Variants in ROBO2 observed in about 807,000 individuals in gnomAD.
ROBO2 encodes the protein roundabout homolog 2.
In ROBO2, 53 loss-of-function variants were observed where a neutral mutation model predicts 160.8. The observed-to-expected ratio is 0.33, with a 90% confidence interval of 0.26 to 0.41. ROBO2 has a LOEUF of 0.41. Ranked by LOEUF, ROBO2 falls within the 10% of genes least tolerant of loss-of-function variation. The probability of loss-of-function intolerance (pLI) is 1.00; values close to 1 mark genes in which losing one functional copy is unlikely to be tolerated. For synonymous variants in ROBO2, 664 were observed against 611.7 expected, an observed-to-expected ratio of 1.09 and a Z score of -1.26; for missense variants, 1,577 against 1,722.4, an observed-to-expected ratio of 0.92 and a Z score of 1.49.
At chr3:77,641,240 C>G (rs2095346504) in intron 24 of ROBO2, among the ~76,000 whole-genome samples, 1 of 152,128 alleles carries the variant, frequency 6.6e-6, no homozygotes, top group African/African-American at 2.4e-5. Context: ...GACCCTGTTC[C>G]CTTCAGTTAT....
intron 2 of ROBO2, among the ~76,000 whole-genome samples, chr3:76,163,691 A>G (rs2072724807): frequency 6.6e-6 from 1 of 152,058 alleles, no homozygotes; most frequent in African/African-American, 2.4e-5. Flanking sequence ...CAATGTTTAC[A>G]ATATACTACA....
chr3:77,259,068 CTTTCA>C (rs555219912), intron 2 of ROBO2, among the ~76,000 whole-genome samples: 34 of 152,248 alleles, frequency 2.2e-4, no homozygotes, highest in African/African-American at 7.9e-4. Context: ...AAGCCTTCAG[CTTTCA>C]TTTAAGATCT....
intron 1 of ROBO2, among the ~76,000 whole-genome samples, chr3:77,069,876 C>G (rs911590357): frequency 1.3e-5 from 2 of 151,838 alleles, no homozygotes; most frequent in Admixed American, 6.6e-5. Context: ...GAATTGTGTC[C>G]CTCCAAAAAT....
At chr3:76,646,946 G>T (rs770726537) in intron 2 of ROBO2, among the ~76,000 whole-genome samples, 1 of 152,170 alleles carries the variant, frequency 6.6e-6, no homozygotes, top group Non-Finnish European at 1.5e-5. Flanking sequence ...ATGGCTGGGG[G>T]AACAAAGGGA....
At chr3:76,656,774 TAGAAA>T (rs751524273) in intron 2 of ROBO2, among the ~76,000 whole-genome samples, 3 of 152,034 alleles carry the variant, frequency 2.0e-5, no homozygotes, top group Non-Finnish European at 2.9e-5. Context: ...CTCAGGGCGT[TAGAAA>T]ATCAGTAAAG....
At chr3:77,263,599 C>T (rs1377281794) in intron 2 of ROBO2, among the ~76,000 whole-genome samples, 1 of 152,198 alleles carries the variant, frequency 6.6e-6, no homozygotes, top group Non-Finnish European at 1.5e-5. Flanking sequence ...TCTTTTATGG[C>T]TGCATAGTAT....
intron 2 of ROBO2, among the ~76,000 whole-genome samples, chr3:76,187,109 C>T (rs1701801353): frequency 6.6e-6 from 1 of 151,772 alleles, no homozygotes; most frequent in African/African-American, 2.4e-5. Flanking sequence ...TAAACATTGT[C>T]TTTGTGCTGA....
intron 2 of ROBO2, among the ~76,000 whole-genome samples, chr3:77,204,289 G>A (rs966023013): frequency 2.0e-5 from 3 of 152,040 alleles, no homozygotes; most frequent in Non-Finnish European, 2.9e-5. Flanking sequence ...TTCAGTGCAT[G>A]CAACTAAAAT....
At chr3:76,174,210 G>T (rs564820058) in intron 2 of ROBO2, among the ~76,000 whole-genome samples, 1 of 152,160 alleles carries the variant, frequency 6.6e-6, no homozygotes, top group East Asian at 1.9e-4. Flanking sequence ...TGATGGGGTT[G>T]TTTGCTTTTT....
At chr3:76,798,892 AAAC>A (rs60526472) in intron 2 of ROBO2, among the ~76,000 whole-genome samples, 35 of 150,124 alleles carry the variant, frequency 2.3e-4, no homozygotes, top group African/African-American at 6.2e-4. Flanking sequence ...GACCTTTTCT[AAAC>A]AACAACAACA....
chr3:77,395,537 G>T (rs1272072748), intron 2 of ROBO2, among the ~76,000 whole-genome samples: 1 of 152,100 alleles, frequency 6.6e-6, no homozygotes, highest in Non-Finnish European at 1.5e-5. Context: ...TATTTTAGAT[G>T]TGTTTGGATT....
intron 2 of ROBO2, among the ~76,000 whole-genome samples, chr3:76,824,557 G>A (rs556247387): frequency 7.2e-5 from 11 of 152,106 alleles, no homozygotes; most frequent in Admixed American, 6.5e-4. Flanking sequence ...CATTTAAAAT[G>A]TCTCATTACC....
chr3:76,771,125 G>T (rs1165793161), intron 2 of ROBO2, among the ~76,000 whole-genome samples: 1 of 151,212 alleles, frequency 6.6e-6, no homozygotes, highest in Non-Finnish European at 1.5e-5. Context: ...AAAAGACCGT[G>T]CTGTTAAGTG....
intron 4 of ROBO2, among the ~76,000 whole-genome samples, chr3:77,487,998 C>A (rs1238966067): frequency 6.6e-6 from 1 of 152,096 alleles, no homozygotes; most frequent in Non-Finnish European, 1.5e-5. Context: ...TTAAGAGATA[C>A]TATGCAACCA....
intron 2 of ROBO2, among the ~76,000 whole-genome samples, chr3:76,543,315 G>A (rs1211769625): frequency 2.6e-5 from 4 of 152,086 alleles, no homozygotes; most frequent in African/African-American, 9.7e-5. Flanking sequence ...TGAGTTCATA[G>A]GATGGGACTC....
rs1424953575 is a variant in ROBO2 at position 76,961,306 on chromosome 3, TA to T, written c.110-136696del. Among the ~76,000 whole-genome samples, 137 of 136,860 alleles carry T rather than the reference TA, an allele frequency of 1.0e-3. 1 individual carries two copies. The highest frequency in any genetic ancestry group is 1.9e-3 in the African/African-American group (70 of 36,488). The allele number at this position is 136,860 out of a possible 152,430, so 89.8% of individuals were successfully genotyped here. A position where few individuals can be genotyped will look rare whatever the true frequency, so the allele number is the denominator to read the frequency against. On this transcript the variant is annotated intron_variant, in intron 2 of 26. Transcript: ENST00000487694. ...TTTCTTAGCACCTCAAAGGAAAATG[TA>T]AAAAAAAAAAATCCAATATATAATA...
intron 2 of ROBO2, among the ~76,000 whole-genome samples, chr3:76,550,667 C>G (rs2083362175): frequency 6.6e-6 from 1 of 152,234 alleles, no homozygotes; most frequent in Non-Finnish European, 1.5e-5. Flanking sequence ...CCTGCCCCCA[C>G]AGGCTCAGAA....
chr3:76,751,704 C>T (rs1407216461), intron 2 of ROBO2, among the ~76,000 whole-genome samples: 1 of 152,138 alleles, frequency 6.6e-6, no homozygotes, highest in Non-Finnish European at 1.5e-5. Flanking sequence ...CTCATCATCA[C>T]TGGCCATCAG....
chr3:76,472,718 T>G (rs2078730315), intron 2 of ROBO2, among the ~76,000 whole-genome samples: 1 of 152,192 alleles, frequency 6.6e-6, no homozygotes, highest in East Asian at 1.9e-4. Context: ...TGTTTCAATT[T>G]AATTGGTCTT....
Sources: gnomAD v4.1 joint callset for allele counts (sites outside exome capture counted in the v4.1 genomes callset) on GRCh38, gnomAD v4.1.1 for gene constraint, MANE v1.5 for transcripts, NCBI Gene and HGNC (gene_info 2026-07-23, HGNC 2026-07-21) for gene names.